The following SPEG variants were observed in gnomAD, a reference collection of about 807,000 sequenced individuals.
SPEG encodes the protein striated muscle preferentially expressed protein kinase.
Under a neutral mutation model 300.4 loss-of-function variants are expected in SPEG, and 114 were observed. The observed-to-expected ratio is 0.38, with a 90% CI of 0.33 to 0.44. The LOEUF (loss-of-function observed/expected upper bound fraction) is 0.44, where lower values mean the gene tolerates loss of function less well. Among genes scored for constraint, SPEG ranks in the 20% least tolerant of loss-of-function variants. The pLI, the probability that SPEG is intolerant of heterozygous loss-of-function variation, is 1.00. For missense variants in SPEG, 4,201 were observed against 4,586.2 expected (o/e 0.92, Z 2.43); for synonymous variants, 1,964 against 2,018.9 (o/e 0.97, Z 0.73).
In SPEG at chr2:219,451,274, C is replaced by T. The variant is rs369116326; in HGVS notation, c.2252C>T (p.Pro751Leu). 109 of 1,607,350 alleles carry T rather than the reference C, an allele frequency of 6.8e-5. No homozygotes were observed. Among genetic ancestry groups the T allele is most frequent in the Non-Finnish European group, 8.8e-5 (104 of 1,177,178 alleles). Residue 751 changes from proline to leucine, a missense_variant, in exon 5 of 41, where the codon CCC (proline) becomes CTC (leucine). Pro to Leu is a moderately conservative substitution (Grantham distance 98). Around this residue, in one of 4 missense-constraint regions of SPEG, gnomAD observed 1,258 missense variants for 1,293.9 expected, o/e 0.97. Coordinates refer to ENST00000312358, the MANE Select transcript of SPEG (RefSeq NM_005876.5). The surrounding 1 kb of genome is among the most constrained non-coding windows in gnomAD (Gnocchi z 6.4). ...TGTATCATCACTGCCAACCCCCCGC[C>T]CCAAGGTGAGCTCCAGCACTGGGCC... is the stretch of plus-strand genomic sequence containing the variant. ...LKCIITANPP[P>L]QVSWHKDGSA...
intron 10 of SPEG, among the ~76,000 whole-genome samples, chr2:219,468,176 A>G (rs1391992207): frequency 6.6e-6 from 1 of 152,144 alleles, no homozygotes; most frequent in East Asian, 1.9e-4. Context: ...GAAGGTGGCT[A>G]GGAGCATGGG....
At position 219,464,361 on chromosome 2, in the gene SPEG, C is replaced by A; in HGVS notation, c.2706-72C>A. On this transcript the variant is annotated intron_variant, in intron 8 of 40. Coordinates refer to ENST00000312358, the MANE Select transcript of SPEG (RefSeq NM_005876.5). The surrounding 1 kb of genome is among the most constrained non-coding windows in gnomAD (Gnocchi z 4.5). ...CAGGGAAGGAGAGGCCTGCACAGTG[C>A]TGCAGCCCCAGTTCCTGTGCACGCA... 1 of 1,468,558 alleles carries A rather than the reference C, an allele frequency of 6.8e-7. No homozygotes were observed. Among genetic ancestry groups the A allele is most frequent in the Non-Finnish European group, 9.3e-7 (1 of 1,079,752 alleles). The allele number at this position is 1,468,558 out of a possible 1,614,324, so 91.0% of individuals were successfully genotyped here.
chr2:219,491,897 C>T, intron 39 of SPEG, 28 bp downstream of exon 39: 6 of 1,562,286 alleles, frequency 3.8e-6, no homozygotes, highest in African/African-American at 1.3e-5. Flanking sequence ...CACCGCAGCC[C>T]TCTCTGCCCA....
At chr2:219,470,234 G>A (rs1398193085) in intron 13 of SPEG, among the ~76,000 whole-genome samples, 2 of 152,202 alleles carry the variant, frequency 1.3e-5, no homozygotes, top group South Asian at 2.1e-4. Context: ...TTTACAGATG[G>A]GGAAACTGAG....
rs548303166 is a variant in SPEG at position 219,472,172 on chromosome 2, C to CCTGTGGGG, written c.3836-50_3836-43dup. ...GCCTCCTGCCCTGAGGCTCGGTGAT[C>CCTGTGGGG]CTGTGGGGCTGTTGGGCCCTTGGAC... is the stretch of plus-strand genomic sequence containing the variant. On this transcript the variant is annotated intron_variant, in intron 14 of 40. Transcript: ENST00000312358. 5.0e-4 allele frequency: 789 copies of CCTGTGGGG among 1,579,922 alleles called. 13 individuals carry two copies. In the South Asian group the frequency reaches 8.3e-3, roughly 17 times the overall value.
chr2:219,464,316 TG>T lies in SPEG; in HGVS notation c.2706-113del. On this transcript the variant is annotated intron_variant, in intron 8 of 40. Coordinates refer to ENST00000312358, the MANE Select transcript of SPEG (RefSeq NM_005876.5). This position sits in a 1 kb window ranked among gnomAD's most constrained non-coding sequence, Gnocchi z 4.5. ...ATGCCCACGGTCAGTGGGACAGATC[TG>T]GGGACTGGGCAAACTGCACAGGGAA... 8.6e-7 allele frequency: 1 copy of T among 1,156,430 alleles called. No individual in the cohort carries two copies. The highest frequency in any genetic ancestry group is 1.5e-5 in the African/African-American group (1 of 64,948). The allele number at this position is 1,156,430 out of a possible 1,614,324, so 71.6% of individuals were successfully genotyped here. A position where few individuals can be genotyped will look rare whatever the true frequency, so the allele number is the denominator to read the frequency against.
chr2:219,472,020 C>T (rs773341761), intron 14 of SPEG, 33 bp downstream of exon 14: 6 of 1,605,950 alleles, frequency 3.7e-6, no homozygotes, highest in Non-Finnish European at 5.1e-6. Context: ...CAGCTGCACG[C>T]ACAGCCTGGC....
In SPEG at chr2:219,484,769, G is replaced by C; in HGVS notation, c.7306G>C (p.Gly2436Arg). 1.4e-6 allele frequency: 2 copies of C among 1,465,620 alleles called. No homozygotes were observed. Among genetic ancestry groups the C allele is most frequent in the Non-Finnish European group, 1.8e-6 (2 of 1,120,080 alleles). The allele number at this position is 1,465,620 out of a possible 1,614,324, so 90.8% of individuals were successfully genotyped here. Residue 2436 changes from glycine to arginine, a missense_variant, in exon 30 of 41, where the codon GGA (glycine) becomes CGA (arginine). Gly to Arg is a moderately radical substitution (Grantham distance 125). Coordinates refer to ENST00000312358, the MANE Select transcript of SPEG (RefSeq NM_005876.5). The stretch of plus-strand genomic sequence containing the variant: ...GGCCTGGGAGGCCCGCGGCGGGGAC[G>C]GAGAGAGCTCGGAGGGCGGGAGCTC... ...HPAWEARGGD[G>R]ESSEGGSSAR... is the part of the protein sequence containing the mutation.
At chr2:219,437,521 G>C (rs1954750274) in intron 1 of SPEG, among the ~76,000 whole-genome samples, 1 of 152,192 alleles carries the variant, frequency 6.6e-6, no homozygotes, top group South Asian at 2.1e-4. Context: ...GGGTGTTGTG[G>C]GGCTGGATCA....
Position 219,489,520 on chromosome 2 carries a change from G to A in SPEG, c.8502G>A (p.Ser2834=), listed in dbSNP as rs148685205. ...CACCTCCTAGCCAGGCCTTGTCCTC[G>A]CTCAAGGCTGTGGGTCCACCACCCC... ...PPTPPSQALS[S]LKAVGPPPQT... Residue 2834 remains serine, a synonymous_variant, in exon 36 of 41, where the codon TCG becomes TCA. Coordinates refer to ENST00000312358, the MANE Select transcript of SPEG (RefSeq NM_005876.5). The A allele has an allele frequency of 1.1e-4, 175 of 1,605,344 alleles. No individual in the cohort carries two copies. The East Asian group carries it at 2.5e-3, about 23-fold the overall frequency.
At chr2:219,470,881 G>A (rs1691813307) in intron 13 of SPEG, among the ~76,000 whole-genome samples, 1 of 152,200 alleles carries the variant, frequency 6.6e-6, no homozygotes, top group Non-Finnish European at 1.5e-5. Flanking sequence ...AAGCATGTCA[G>A]GTACCTGGTA....
intron 28 of SPEG, chr2:219,482,011 A>G (rs1269239946): frequency 4.1e-6 from 2 of 483,370 alleles, no homozygotes; most frequent in Non-Finnish European, 7.6e-6. Context: ...CTGTCTGTCC[A>G]TCTCTGTCCT....
chr2:219,490,451 G>T lies in SPEG; in HGVS notation c.8964G>T (p.Thr2988=), dbSNP rs777281168. The T allele has an allele frequency of 3.1e-6, 5 of 1,612,984 alleles. No homozygotes were observed. In the East Asian group the frequency reaches 6.7e-5, roughly 22 times the overall value. Residue 2988 remains threonine, a synonymous_variant, in exon 37 of 41, where the codon ACG becomes ACT. Coordinates refer to ENST00000312358, the MANE Select transcript of SPEG (RefSeq NM_005876.5). The part of the protein sequence containing the change: ...GVVRACRENA[T]GRTFVAKIVP... ...TGCGAGCGTGCCGGGAGAATGCCAC[G>T]GGGCGAACGTTCGTGGCCAAGATCG...
Position 219,468,840 on chromosome 2 carries a change from C to T in SPEG, c.3302-19C>T. 2 of 1,609,140 alleles carry T rather than the reference C, an allele frequency of 1.2e-6. No individual in the cohort carries two copies. Among genetic ancestry groups the T allele is most frequent in the Non-Finnish European group, 1.7e-6 (2 of 1,176,990 alleles). ...CCCTCACTGTGCCTGCTCTGCATTC[C>T]CACCCCTCCTTTCTGCAGGCTGCCC... On this transcript the variant is annotated intron_variant, in intron 11 of 40. Transcript: ENST00000312358.
In SPEG at chr2:219,488,637, C is replaced by T; in HGVS notation, c.7998C>T (p.Ile2666=). The stretch of plus-strand genomic sequence containing the variant: ...CGGCCACCAACGTACTGGGCAGCAT[C>T]ACCAGCTCCTGTACCGTGGCTGTGG... ...ECSATNVLGS[I]TSSCTVAVAR... Residue 2666 remains isoleucine, a synonymous_variant, in exon 33 of 41, where the codon ATC becomes ATT. Transcript: ENST00000312358. The T allele has an allele frequency of 1.9e-6, 3 of 1,608,608 alleles. No homozygotes were observed. The highest frequency in any genetic ancestry group is 2.5e-6 in the Non-Finnish European group (3 of 1,177,112).
Position 219,468,912 on chromosome 2 carries a change from C to T in SPEG, c.3355C>T (p.His1119Tyr), listed in dbSNP as rs1290492677. The T allele has an allele frequency of 2.5e-6, 4 of 1,613,664 alleles. No homozygotes were observed. The African/African-American group carries it at 4.0e-5, about 16-fold the overall frequency. The change falls in exon 12 of 41, where the codon CAC becomes TAC. Residue 1119 changes from histidine (H) to tyrosine (Y), a missense_variant. By Grantham distance (83) the His-to-Tyr change is moderately conservative. This residue lies in a region of SPEG where 1,047 missense variants were observed against 1,356.8 expected (regional missense o/e 0.77). Coordinates refer to ENST00000312358, the MANE Select transcript of SPEG (RefSeq NM_005876.5). ...NLRLRQDGGL[H>Y]SLHIAHVGSE... Reference sequence around the variant, plus strand: ...GCGGCTGCGGCAGGACGGGGGTCTGCACTCACTGCACATTGCCCATGTGGG... The same window carrying T: ...GCGGCTGCGGCAGGACGGGGGTCTGTACTCACTGCACATTGCCCATGTGGG...
intron 9 of SPEG, chr2:219,466,153 C>T: frequency 6.5e-7 from 1 of 1,536,442 alleles, no homozygotes; most frequent in Non-Finnish European, 8.7e-7. Flanking sequence ...GTTTCACTGC[C>T]TCCTGCCCAC....
In SPEG at chr2:219,434,987, G is replaced by A. The variant is rs1467703126; in HGVS notation, c.10G>A (p.Ala4Thr). The A allele has an allele frequency of 6.0e-6, 9 of 1,506,312 alleles. No individual in the cohort carries two copies. The highest frequency in any genetic ancestry group is 7.9e-6 in the Non-Finnish European group (9 of 1,135,350). The allele number at this position is 1,506,312 out of a possible 1,614,324, so 93.3% of individuals were successfully genotyped here. A position where few individuals can be genotyped will look rare whatever the true frequency, so the allele number is the denominator to read the frequency against. Residue 4 changes from alanine (A) to threonine (T), a missense_variant, in exon 1 of 41, where the codon GCC (alanine) becomes ACC (threonine). By Grantham distance (58) the Ala-to-Thr change is moderately conservative. This residue lies in a region of SPEG where 1,258 missense variants were observed against 1,293.9 expected (regional missense o/e 0.97). Transcript: ENST00000312358. ...CCAGCTCTCAGTGGCCATGCAGAAA[G>A]CCCGGGGCACGCGAGGCGAGGATGC... MQK[A>T]RGTRGEDAGT... is the part of the protein sequence containing the mutation.
Position 219,443,711 on chromosome 2 carries a change from G to A in SPEG, c.389-942G>A, listed in dbSNP as rs1689082478. Reference sequence around the variant, plus strand: ...GGGTGGGCCTGACTCCTAATGGGAGGCCCAGGTCTGCGGCTGGACTGGACA... The same window carrying A: ...GGGTGGGCCTGACTCCTAATGGGAGACCCAGGTCTGCGGCTGGACTGGACA... On this transcript the variant is annotated intron_variant, in intron 1 of 40. Transcript: ENST00000312358. The surrounding 1 kb of genome is among the most constrained non-coding windows in gnomAD (Gnocchi z 4.6). The A allele has an allele frequency of 2.9e-6, 1 of 339,884 alleles. No homozygotes were observed. Among genetic ancestry groups the A allele is most frequent in the African/African-American group, 2.2e-5 (1 of 46,426 alleles). 21.1% of individuals were successfully genotyped at this position (339,884 alleles called of 1,614,324 possible). A position where few individuals can be genotyped will look rare whatever the true frequency, so the allele number is the denominator to read the frequency against.
Sources: allele counts gnomAD v4.1 joint callset (sites outside exome capture counted in the v4.1 genomes callset), GRCh38; gene constraint gnomAD v4.1.1; regional missense constraint gnomAD v4.1.1; non-coding constraint Gnocchi (gnomAD v3.1); transcripts MANE v1.5; gene names NCBI Gene and HGNC (gene_info 2026-07-23, HGNC 2026-07-21).